Variants in ZFP14 observed in about 807,000 individuals in gnomAD.
ZFP14 encodes the protein zinc finger protein 14 homolog.
A neutral mutation model predicts 54.5 loss-of-function variants in ZFP14; 22 were observed. That is an observed-to-expected ratio of 0.40 (90% CI 0.29 to 0.58). ZFP14 has a LOEUF of 0.58. Ranked by LOEUF, ZFP14 falls within the 20% of genes least tolerant of loss-of-function variation. The pLI, the probability that ZFP14 is intolerant of heterozygous loss-of-function variation, is 0.39. For missense variants in ZFP14, 470 were observed against 637.8 expected (o/e 0.74, Z 2.83); for synonymous variants, 159 against 204.0 (o/e 0.78, Z 1.88).
chr19:36,352,767 C>G lies in ZFP14; in HGVS notation c.235+7668G>C, dbSNP rs556795404. 3.8e-4 allele frequency among the ~76,000 whole-genome samples: 54 copies of G among 142,100 alleles called. 11 individuals carry two copies. The highest frequency in any genetic ancestry group is 7.8e-4 in the Non-Finnish European group (50 of 64,138). 93.2% of individuals were successfully genotyped at this position (142,100 alleles called of 152,430 possible). A position where few individuals can be genotyped will look rare whatever the true frequency, so the allele number is the denominator to read the frequency against. On this transcript the variant is annotated intron_variant, in intron 4 of 4. Transcript: ENST00000270001. ...CCATCATGGCTAACACGGTGAAACC[C>G]CGTCTCTACTAAAAATATAAAAAAT...
rs545115495 is a variant in ZFP14 at position 36,364,530 on chromosome 19, G to C, written c.10-2292C>G. On this transcript the variant is annotated intron_variant, in intron 2 of 4. Transcript: ENST00000270001. The stretch of plus-strand genomic sequence containing the variant: ...CTGGGTAGGAAGCCTTTCCCGCTGG[G>C]TGTGGGCATATCGGGTAAGAGCAGG... 2.0e-5 allele frequency among the ~76,000 whole-genome samples: 3 copies of C among 152,236 alleles called. No homozygotes were observed. The East Asian group carries it at 5.8e-4, about 29-fold the overall frequency.
At chr19:36,342,175 C>CT (rs35293783) in intron 4 of ZFP14, among the ~76,000 whole-genome samples, 6,481 of 74,606 alleles carry the variant, frequency 0.087, 462 homozygotes, top group African/African-American at 0.14. Context: ...CATTCTATGC[C>CT]TTTTTTTTTT....
intron 4 of ZFP14, among the ~76,000 whole-genome samples, chr19:36,357,145 C>A (rs1186033048): frequency 6.6e-6 from 1 of 152,136 alleles, no homozygotes; most frequent in Non-Finnish European, 1.5e-5. Flanking sequence ...TGGGTTCAAG[C>A]AATTGTCCTG....
chr19:36,343,540 A>G (rs1461794393), intron 4 of ZFP14, among the ~76,000 whole-genome samples: 1 of 152,192 alleles, frequency 6.6e-6, no homozygotes, highest in Non-Finnish European at 1.5e-5. Context: ...TGCTGGCCCT[A>G]TTTAAGTCTA....
Position 36,340,609 on chromosome 19 carries a change from C to T in ZFP14, c.1217G>A (p.Ser406Asn), listed in dbSNP as rs1230346299. 2 of 1,614,002 alleles carry T rather than the reference C, an allele frequency of 1.2e-6. No homozygotes were observed. The highest frequency in any genetic ancestry group is 3.3e-5 in the Admixed American group (2 of 60,012). The part of the protein sequence containing the change: ...YECMECWKTF[S>N]SYSQLISHQS... Reference sequence around the variant, plus strand: ...GTGTGAAATAAGCTGTGAGTAACTACTAAAGGTCTTCCAACATTCCATACA... The same window carrying T: ...GTGTGAAATAAGCTGTGAGTAACTATTAAAGGTCTTCCAACATTCCATACA... The change falls in exon 5 of 5, where the codon AGT (serine) becomes AAT (asparagine). Residue 406 changes from serine (S) to asparagine (N), a missense_variant. Physicochemically the swap from Ser to Asn is conservative, Grantham distance 46 (BLOSUM62 1). Transcript: ENST00000270001. The surrounding 1 kb of genome is among the most constrained non-coding windows in gnomAD (Gnocchi z 5.4).
intron 4 of ZFP14, among the ~76,000 whole-genome samples, chr19:36,358,583 T>C (rs999032083): frequency 1.3e-5 from 2 of 152,200 alleles, no homozygotes; most frequent in Non-Finnish European, 2.9e-5. Flanking sequence ...CTTTTTCTTT[T>C]GATAATGGAT....
chr19:36,340,206 T>C lies in ZFP14; in HGVS notation c.*18A>G. ...CTGATGTTCTGTAACATCATATACA[T>C]TTGAAGGCTTTCTTCTATTAAATTC... On this transcript the variant is annotated 3_prime_UTR_variant, in exon 5 of 5. Transcript: ENST00000270001. This position sits in a 1 kb window ranked among gnomAD's most constrained non-coding sequence, Gnocchi z 5.4. 6.5e-7 allele frequency: 1 copy of C among 1,539,774 alleles called. No individual in the cohort carries two copies. The highest frequency in any genetic ancestry group is 8.7e-7 in the Non-Finnish European group (1 of 1,145,716).
At chr19:36,369,320 G>A (rs8113638) in intron 1 of ZFP14, among the ~76,000 whole-genome samples, 53,490 of 152,076 alleles carry the variant, frequency 0.35, 9,618 homozygotes, top group South Asian at 0.43. Context: ...CTAATGCCCA[G>A]GGGTCAAATC....
chr19:36,360,761 G>T (rs951515552), intron 3 of ZFP14, among the ~76,000 whole-genome samples: 13 of 152,118 alleles, frequency 8.5e-5, no homozygotes, highest in Admixed American at 7.9e-4. Context: ...TTAACCATCT[G>T]GTCAAGAACA....
intron 1 of ZFP14, among the ~76,000 whole-genome samples, chr19:36,376,150 T>C (rs544920339): frequency 1.3e-5 from 2 of 152,166 alleles, no homozygotes; most frequent in Non-Finnish European, 2.9e-5. Context: ...AGGATTGTTA[T>C]GAGAAATAAA....
rs183286347 is a variant in ZFP14 at position 36,348,827 on chromosome 19, T to C, written c.236-7237A>G. 8.5e-5 allele frequency among the ~76,000 whole-genome samples: 13 copies of C among 152,216 alleles called. No individual in the cohort carries two copies. In the East Asian group the frequency reaches 2.5e-3, roughly 29 times the overall value. ...CAGCTCTCAGAGGAAATAACACCAATGGGTTCCTCCCCAAGAGATCCCAGA... is the reference window on the plus strand; with the variant it reads ...CAGCTCTCAGAGGAAATAACACCAACGGGTTCCTCCCCAAGAGATCCCAGA... On this transcript the variant is annotated intron_variant, in intron 4 of 4. Transcript: ENST00000270001.
chr19:36,376,421 C>T (rs895385367), intron 1 of ZFP14, among the ~76,000 whole-genome samples: 7 of 152,058 alleles, frequency 4.6e-5, no homozygotes, highest in African/African-American at 1.7e-4. Flanking sequence ...TGATGCATGC[C>T]TGTAACCCCA....
intron 1 of ZFP14, among the ~76,000 whole-genome samples, chr19:36,375,811 C>T (rs1015756918): frequency 6.6e-6 from 1 of 152,106 alleles, no homozygotes; most frequent in African/African-American, 2.4e-5. Flanking sequence ...CCCGCCTCGG[C>T]CTCCCAAAGT....
At chr19:36,373,301 C>CCAAA (rs1397555646) in intron 1 of ZFP14, among the ~76,000 whole-genome samples, 2 of 149,648 alleles carry the variant, frequency 1.3e-5, no homozygotes, top group Non-Finnish European at 3.0e-5. Context: ...AAAAAAACAA[C>CCAAA]CAAACAAACA....
intron 4 of ZFP14, among the ~76,000 whole-genome samples, chr19:36,346,318 AAAAAC>A (rs950859867): frequency 6.6e-6 from 1 of 152,172 alleles, no homozygotes; most frequent in African/African-American, 2.4e-5. Context: ...AAACAAAAAC[AAAAAC>A]AAAACAAAAA....
chr19:36,378,746 G>C (rs577507417), intron 1 of ZFP14: 1 of 152,130 alleles, frequency 6.6e-6, no homozygotes, highest in Non-Finnish European at 1.5e-5. Flanking sequence ...TGCTCCCTCC[G>C]TCTACTGCGC....
At chr19:36,362,594 C>T (rs1181149574) in intron 2 of ZFP14, among the ~76,000 whole-genome samples, 1 of 152,110 alleles carries the variant, frequency 6.6e-6, no homozygotes, top group Non-Finnish European at 1.5e-5. Flanking sequence ...GGTCTTGAGG[C>T]CAGGTGCAGT....
rs1454317516 is a variant in ZFP14 at position 36,351,284 on chromosome 19, G to A, written c.235+9151C>T. On this transcript the variant is annotated intron_variant, in intron 4 of 4. Coordinates refer to ENST00000270001, the MANE Select transcript of ZFP14 (RefSeq NM_020917.3). Reference sequence around the variant, plus strand: ...GAGGCTGAGGTGGGCGGATCACCTGGGATCAGGAGTTCAAGACCAGCCTGG... The same window carrying A: ...GAGGCTGAGGTGGGCGGATCACCTGAGATCAGGAGTTCAAGACCAGCCTGG... 3.5e-5 allele frequency among the ~76,000 whole-genome samples: 5 copies of A among 142,646 alleles called. 1 individual carries two copies. In the East Asian group the frequency reaches 1.0e-3, roughly 30 times the overall value. 93.6% of individuals were successfully genotyped at this position (142,646 alleles called of 152,430 possible). A position where few individuals can be genotyped will look rare whatever the true frequency, so the allele number is the denominator to read the frequency against.
chr19:36,350,431 A>G (rs1412418423), intron 4 of ZFP14, among the ~76,000 whole-genome samples: 2 of 139,682 alleles, frequency 1.4e-5, no homozygotes, highest in Non-Finnish European at 3.2e-5. Flanking sequence ...GGAGACCCCC[A>G]TCTCTAAAAA....
Sources: allele counts gnomAD v4.1 joint callset (sites outside exome capture counted in the v4.1 genomes callset), GRCh38; gene constraint gnomAD v4.1.1; non-coding constraint Gnocchi (gnomAD v3.1); transcripts MANE v1.5; gene names NCBI Gene and HGNC (gene_info 2026-07-23, HGNC 2026-07-21).